Variants in ZNF529 observed in about 807,000 individuals in gnomAD.
The protein encoded by ZNF529 is zinc finger protein 529.
Under a neutral mutation model 10.1 loss-of-function variants are expected in ZNF529, and 11 were observed. The ratio of observed to expected loss-of-function variants is 1.09; its 90% CI spans 0.69 to 1.81. The LOEUF is 1.81. ZNF529 is among the 40% of genes most tolerant of loss of function. The pLI is 0.00. For missense variants in ZNF529, 624 were observed against 666.8 expected (o/e 0.94, Z 0.71); for synonymous variants, 204 against 215.7 (o/e 0.95, Z 0.47).
At chr19:36,590,246 A>G (rs1454005095) in intron 1 of ZNF529, among the ~76,000 whole-genome samples, 7 of 152,078 alleles carry the variant, frequency 4.6e-5, no homozygotes, top group Non-Finnish European at 1.0e-4. Context: ...GTGCAATTGC[A>G]TGGCTGTGGT....
chr19:36,604,017 T>C (rs1271456984), intron 1 of ZNF529, among the ~76,000 whole-genome samples: 1 of 152,022 alleles, frequency 6.6e-6, no homozygotes, highest in Non-Finnish European at 1.5e-5. Context: ...CCGTCTCTAC[T>C]AAAAATACAA....
At chr19:36,600,130 A>C (rs1039060845) in intron 1 of ZNF529, among the ~76,000 whole-genome samples, 2 of 152,146 alleles carry the variant, frequency 1.3e-5, no homozygotes, top group African/African-American at 4.8e-5. Flanking sequence ...TGGCCTCACA[A>C]AGTGCTGGGA....
intron 2 of ZNF529, among the ~76,000 whole-genome samples, chr19:36,560,372 G>A (rs1199066576): frequency 6.6e-6 from 1 of 151,406 alleles, no homozygotes; most frequent in African/African-American, 2.4e-5. Context: ...TATGAAACGT[G>A]TACTTATGTA....
chr19:36,555,112 A>G (rs1269036865), intron 3 of ZNF529, among the ~76,000 whole-genome samples: 2 of 152,220 alleles, frequency 1.3e-5, no homozygotes, highest in African/African-American at 2.4e-5. Flanking sequence ...TGCCTGCCTC[A>G]TGAATCATCA....
rs202204985 is a variant in ZNF529 at position 36,589,828 on chromosome 19, CAT to C, written c.-127-129_-127-128del. 31 of 152,096 alleles carry C rather than the reference CAT, an allele frequency of 2.0e-4. No homozygotes were observed. In the East Asian group the frequency reaches 5.0e-3, roughly 25 times the overall value. 9.4% of individuals were successfully genotyped at this position (152,096 alleles called of 1,614,324 possible). A position where few individuals can be genotyped will look rare whatever the true frequency, so the allele number is the denominator to read the frequency against. ...AAAATACATGTCCTTTTCAAGTGCA[CAT>C]GTTATATTCAAGACAGACCACATAC... On this transcript the variant is annotated intron_variant, in intron 1 of 4. Transcript: ENST00000585960.
chr19:36,560,377 T>C (rs1291307137), intron 2 of ZNF529, among the ~76,000 whole-genome samples: 5 of 152,160 alleles, frequency 3.3e-5, no homozygotes, highest in Admixed American at 6.5e-5. Context: ...AACGTGTACT[T>C]ATGTATTTAT....
intron 1 of ZNF529, among the ~76,000 whole-genome samples, chr19:36,596,905 G>A (rs547489797): frequency 1.1e-4 from 16 of 151,712 alleles, no homozygotes; most frequent in South Asian, 2.1e-4. Flanking sequence ...TTCGTCCCTC[G>A]CTCTGTCACC....
chr19:36,561,717 A>G (rs1037756091), intron 2 of ZNF529, among the ~76,000 whole-genome samples: 2 of 152,144 alleles, frequency 1.3e-5, no homozygotes, highest in Non-Finnish European at 2.9e-5. Flanking sequence ...CCTGACTGCA[A>G]CCTATGAGAG....
intron 2 of ZNF529, among the ~76,000 whole-genome samples, chr19:36,559,698 G>A (rs1204067722): frequency 6.6e-6 from 1 of 152,134 alleles, no homozygotes; most frequent in African/African-American, 2.4e-5. Context: ...TCCATCAATG[G>A]ATGGACAGAT....
chr19:36,553,661 C>A (rs1030257532), intron 4 of ZNF529, among the ~76,000 whole-genome samples: 2 of 152,072 alleles, frequency 1.3e-5, no homozygotes, highest in Non-Finnish European at 2.9e-5. Flanking sequence ...ATTCTTTTAA[C>A]GATTATAACA....
upstream of ZNF529, among the ~76,000 whole-genome samples, chr19:36,573,773 C>A (rs2036238546): frequency 6.6e-6 from 1 of 152,176 alleles, no homozygotes. Context: ...GAGGGCCGGG[C>A]TGGGAAGGCC....
rs1200417518 is a variant in ZNF529 at position 36,545,791 on chromosome 19, A to AT, written c.*1074dup. On this transcript the variant is annotated 3_prime_UTR_variant, in exon 5 of 5. Transcript: ENST00000591340. ...TTCTCTTAATGTAAGTTCAGTGGTCATTTTTTCTCCCCTTTTAAAGGTGTT... is the reference window on the plus strand; with the variant it reads ...TTCTCTTAATGTAAGTTCAGTGGTCATTTTTTTCTCCCCTTTTAAAGGTGTT... 1 of 152,058 alleles carries AT rather than the reference A, an allele frequency of 6.6e-6. No individual in the cohort carries two copies. Among genetic ancestry groups the AT allele is most frequent in the Admixed American group, 6.6e-5 (1 of 15,266 alleles). The allele number at this position is 152,058 out of a possible 1,614,324, so 9.4% of individuals were successfully genotyped here.
intron 1 of ZNF529, among the ~76,000 whole-genome samples, chr19:36,590,029 A>T (rs1014613077): frequency 6.6e-6 from 1 of 152,224 alleles, no homozygotes; most frequent in Non-Finnish European, 1.5e-5. Context: ...AATCAAAGGG[A>T]AAACGAAAAT....
chr19:36,571,408 C>T (rs1203524977), intron 2 of ZNF529, among the ~76,000 whole-genome samples: 1 of 152,166 alleles, frequency 6.6e-6, no homozygotes. Flanking sequence ...GGCGCAGTGG[C>T]TCACGCCTGT....
At chr19:36,576,127 G>A (rs538424183), upstream of ZNF529, among the ~76,000 whole-genome samples, 20 of 152,010 alleles carry the variant, frequency 1.3e-4, no homozygotes, top group Non-Finnish European at 2.5e-4. Flanking sequence ...GATTACAGGC[G>A]TGAGCCACTG....
chr19:36,562,420 G>T (rs2035737288), intron 2 of ZNF529, among the ~76,000 whole-genome samples: 2 of 151,808 alleles, frequency 1.3e-5, no homozygotes, highest in African/African-American at 4.8e-5. Context: ...ATACTTTGGG[G>T]GCTATTGGAG....
Position 36,548,079 on chromosome 19 carries a change from AAAGT to A in ZNF529, c.475_478del (p.Thr159TyrfsTer25). 6.2e-7 allele frequency: 1 copy of A among 1,613,914 alleles called. No individual in the cohort carries two copies. The highest frequency in any genetic ancestry group is 8.5e-7 in the Non-Finnish European group (1 of 1,179,854). ...CTCACTGTCATGAGTTCTCCGAGGT[AAAGT>A]AAGAGATTCATGAGTTTTGTAACTG... On this transcript the variant is annotated frameshift_variant, in exon 5 of 5. Coordinates refer to ENST00000591340, the MANE Select transcript of ZNF529 (RefSeq NM_020951.5). LOFTEE classifies it low-confidence loss of function (END_TRUNC).
At chr19:36,553,435 C>G (rs2035340838) in intron 4 of ZNF529, among the ~76,000 whole-genome samples, 1 of 152,052 alleles carries the variant, frequency 6.6e-6, no homozygotes, top group African/African-American at 2.4e-5. Context: ...CCACCACGCC[C>G]AGCCAAGAGT....
chr19:36,604,798 A>G (rs2036992880), intron 1 of ZNF529: 1 of 152,390 alleles, frequency 6.6e-6, no homozygotes, highest in Non-Finnish European at 1.5e-5. Context: ...CCGTCACACA[A>G]ACGGCCCCGC....
Sources: allele counts gnomAD v4.1 joint callset (sites outside exome capture counted in the v4.1 genomes callset), GRCh38; gene constraint gnomAD v4.1.1; transcripts MANE v1.5; gene names NCBI Gene and HGNC (gene_info 2026-07-23, HGNC 2026-07-21).